NKAIN2: variants seen among roughly 807,000 people sequenced by gnomAD.
NKAIN2 encodes the protein sodium/potassium transporting ATPase interacting 2, also known as sodium/potassium-transporting ATPase subunit beta-1-interacting protein 2.
In NKAIN2, 14 loss-of-function variants were observed where a neutral mutation model predicts 32.6. The observed-to-expected ratio is 0.43, with a 90% CI of 0.28 to 0.67. The LOEUF (loss-of-function observed/expected upper bound fraction) is 0.67, where lower values mean the gene tolerates loss of function less well. Ranked by LOEUF, NKAIN2 falls within the 30% of genes least tolerant of loss-of-function variation. The pLI is 0.17. For synonymous variants in NKAIN2, 80 were observed against 87.2 expected (o/e 0.92, Z 0.46); for missense variants, 198 against 258.3 (o/e 0.77, Z 1.60).
chr6:124,542,587 C>T (rs1298952836), intron 3 of NKAIN2, among the ~76,000 whole-genome samples: 1 of 152,082 alleles, frequency 6.6e-6, no homozygotes, highest in Admixed American at 6.6e-5. Flanking sequence ...TTAAAAAGAA[C>T]AAGGTACAGC....
intron 3 of NKAIN2, among the ~76,000 whole-genome samples, chr6:124,467,647 A>T (rs888434380): frequency 2.6e-5 from 4 of 152,142 alleles, no homozygotes; most frequent in Non-Finnish European, 5.9e-5. Context: ...TGTTATCTTT[A>T]CATTAATATT....
chr6:124,074,246 C>T (rs536137154), intron 1 of NKAIN2, among the ~76,000 whole-genome samples: 108 of 152,186 alleles, frequency 7.1e-4, no homozygotes, highest in African/African-American at 2.5e-3. Context: ...GCTGGTCACC[C>T]GACACCTTCT....
At chr6:124,414,241 T>C (rs780847849) in intron 3 of NKAIN2, among the ~76,000 whole-genome samples, 22 of 152,152 alleles carry the variant, frequency 1.4e-4, no homozygotes, top group Non-Finnish European at 2.9e-4. Context: ...TTATCGGAAA[T>C]GTGTGAATAG....
intron 1 of NKAIN2, among the ~76,000 whole-genome samples, chr6:123,946,570 G>A (rs1195919696): frequency 6.6e-6 from 1 of 152,084 alleles, no homozygotes; most frequent in Admixed American, 6.6e-5. Context: ...GATTATGTTG[G>A]ATGATTATAT....
At chr6:124,116,342 C>T (rs1785612244) in intron 1 of NKAIN2, among the ~76,000 whole-genome samples, 2 of 152,054 alleles carry the variant, frequency 1.3e-5, no homozygotes. Flanking sequence ...TGAATTTTGT[C>T]AGTGCATTCT....
chr6:124,253,304 C>G (rs1793770684), intron 1 of NKAIN2, among the ~76,000 whole-genome samples: 1 of 152,114 alleles, frequency 6.6e-6, no homozygotes, highest in Non-Finnish European at 1.5e-5. Context: ...TTTGTTGTTA[C>G]TGAATATAAA....
intron 1 of NKAIN2, among the ~76,000 whole-genome samples, chr6:124,193,133 G>A (rs191023413): frequency 5.9e-5 from 9 of 152,194 alleles, no homozygotes; most frequent in African/African-American, 2.2e-4. Context: ...TCTAGATTAT[G>A]TTATGGCATA....
At chr6:124,667,629 T>C (rs1583612562) in intron 4 of NKAIN2, among the ~76,000 whole-genome samples, 1 of 152,120 alleles carries the variant, frequency 6.6e-6, no homozygotes, top group South Asian at 2.1e-4. Flanking sequence ...TTCTTAAAAA[T>C]ATATCTTTGA....
At chr6:124,700,130 C>G (rs548327486) in intron 4 of NKAIN2, among the ~76,000 whole-genome samples, 1 of 152,104 alleles carries the variant, frequency 6.6e-6, no homozygotes, top group East Asian at 1.9e-4. Context: ...TCCAACACAC[C>G]TCATTACTAA....
At chr6:124,720,806 C>T (rs1376633864) in intron 4 of NKAIN2, among the ~76,000 whole-genome samples, 2 of 152,144 alleles carry the variant, frequency 1.3e-5, no homozygotes, top group Admixed American at 6.5e-5. Flanking sequence ...ATGGGAGAAT[C>T]TACAGGATTC....
chr6:124,383,837 T>A lies in NKAIN2; in HGVS notation c.273+28490T>A, dbSNP rs372868401. Among the ~76,000 whole-genome samples, 240 of 152,292 alleles carry A rather than the reference T, an allele frequency of 1.6e-3. 1 individual carries two copies. Among genetic ancestry groups the A allele is most frequent in the African/African-American group, 5.5e-3 (227 of 41,570 alleles). On this transcript the variant is annotated intron_variant, in intron 3 of 6. Transcript: ENST00000368417. The stretch of plus-strand genomic sequence containing the variant: ...GTTCTGTATTCCATACCTGGACTTG[T>A]TAGGAAAAGCTTGGACCATCAACTA...
chr6:123,879,704 C>G (rs1773361157), intron 1 of NKAIN2, among the ~76,000 whole-genome samples: 1 of 152,214 alleles, frequency 6.6e-6, no homozygotes, highest in Non-Finnish European at 1.5e-5. Context: ...GACTGGCAAC[C>G]CTGCCTTAAA....
rs1415197705 is a variant in NKAIN2, at chr6:124,065,233, C to CAT, written c.55-217771_55-217770insTA. Among the ~76,000 whole-genome samples, 3 of 151,966 alleles carry CAT rather than the reference C, an allele frequency of 2.0e-5. No homozygotes were observed. In the East Asian group the frequency reaches 5.8e-4, roughly 29 times the overall value. On this transcript the variant is annotated intron_variant, in intron 1 of 6. Coordinates refer to ENST00000368417, the MANE Select transcript of NKAIN2 (RefSeq NM_001040214.3). ...AAAATTACACACACACACACACACA[C>CAT]ACACACAACACTCAACAAACTGAAA...
At position 124,016,793 on chromosome 6, in the gene NKAIN2, A is replaced by G. The variant is rs560609736; in HGVS notation, c.54+212539A>G. ...TCAATTTTTTTTTTCTATTTTACAA[A>G]TTAAAAAAAAATCCAGAGCTTAGAG... is the stretch of plus-strand genomic sequence containing the variant. On this transcript the variant is annotated intron_variant, in intron 1 of 6. Transcript: ENST00000368417. 1.1e-3 allele frequency among the ~76,000 whole-genome samples: 169 copies of G among 152,188 alleles called. 2 individuals carry two copies. The highest frequency in any genetic ancestry group is 4.0e-3 in the African/African-American group (166 of 41,522).
At chr6:124,171,022 A>G (rs113067818) in intron 1 of NKAIN2, among the ~76,000 whole-genome samples, 144 of 152,274 alleles carry the variant, frequency 9.5e-4, no homozygotes, top group African/African-American at 3.4e-3. Flanking sequence ...ACAAATTTTC[A>G]TAATTGTGAA....
intron 4 of NKAIN2, among the ~76,000 whole-genome samples, chr6:124,713,767 G>A (rs9372788): frequency 0.42 from 63,577 of 151,942 alleles, 13,491 homozygotes; most frequent in African/African-American, 0.45. Flanking sequence ...GTAAAATAAA[G>A]AGGCAGAATT....
chr6:124,536,387 T>C (rs1403870134), intron 3 of NKAIN2, among the ~76,000 whole-genome samples: 1 of 152,116 alleles, frequency 6.6e-6, no homozygotes, highest in Non-Finnish European at 1.5e-5. Context: ...TGGTCTCATA[T>C]TAAGCTTCCT....
chr6:123,893,746 T>G (rs954842389), intron 1 of NKAIN2, among the ~76,000 whole-genome samples: 8 of 152,226 alleles, frequency 5.3e-5, no homozygotes, highest in African/African-American at 9.6e-5. Context: ...AGTACAGATC[T>G]ATAATGTGAA....
intron 1 of NKAIN2, among the ~76,000 whole-genome samples, chr6:123,817,113 A>G (rs2114877669): frequency 6.6e-6 from 1 of 152,142 alleles, no homozygotes; most frequent in East Asian, 1.9e-4. Context: ...AGACAACTGG[A>G]TGGTGGGGGA....
Sources: gnomAD v4.1 joint callset for allele counts (sites outside exome capture counted in the v4.1 genomes callset) on GRCh38, gnomAD v4.1.1 for gene constraint, MANE v1.5 for transcripts, NCBI Gene and HGNC (gene_info 2026-07-23, HGNC 2026-07-21) for gene names.